The following DLG2 variants were observed in gnomAD, a reference collection of about 807,000 sequenced individuals.
DLG2 encodes the protein disks large homolog 2.
Under a neutral mutation model 132.5 loss-of-function variants are expected in DLG2, and 45 were observed. That is an observed-to-expected ratio of 0.34 (90% confidence interval 0.27 to 0.44). The LOEUF is 0.44. Ranked by LOEUF, DLG2 falls within the 20% of genes least tolerant of loss-of-function variation. The pLI, the probability that DLG2 is intolerant of heterozygous loss-of-function variation, is 1.00. For synonymous variants in DLG2, 424 were observed against 419.6 expected, an observed-to-expected ratio of 1.01 and a Z score of -0.13; for missense variants, 1,045 against 1,196.9, an observed-to-expected ratio of 0.87 and a Z score of 1.87.
Position 83,896,337 on chromosome 11 carries a change from T to C in DLG2, c.1497-21849A>G, listed in dbSNP as rs565636455. ...TAAGCAATTAGCCATGGCAGGACATTATAGGGTTTACTGCTGTCCGTAGCT... is the reference window on the plus strand; with the variant it reads ...TAAGCAATTAGCCATGGCAGGACATCATAGGGTTTACTGCTGTCCGTAGCT... On this transcript the variant is annotated intron_variant, in intron 15 of 27. Coordinates refer to ENST00000376104, the MANE Select transcript of DLG2 (RefSeq NM_001142699.3). Among the ~76,000 whole-genome samples, 136 of 152,292 alleles carry C rather than the reference T, an allele frequency of 8.9e-4. 1 individual carries two copies. The highest frequency in any genetic ancestry group is 1.6e-3 in the Non-Finnish European group (108 of 68,014).
At chr11:84,416,236 A>T (rs2098929273) in intron 7 of DLG2, among the ~76,000 whole-genome samples, 1 of 152,158 alleles carries the variant, frequency 6.6e-6, no homozygotes, top group East Asian at 1.9e-4. Context: ...TGAGTAACTT[A>T]GAGAGAGAGA....
chr11:85,256,865 ATAAT>A lies in DLG2; in HGVS notation c.186+28351_186+28354del, dbSNP rs140733072. On this transcript the variant is annotated intron_variant, in intron 4 of 27. Transcript: ENST00000376104. ...ACTATTATTTGCAACAGCTCAAGAG[ATAAT>A]TAATCAGAAAATATTGTATTCAGAA... is the stretch of plus-strand genomic sequence containing the variant. 4.9e-3 allele frequency among the ~76,000 whole-genome samples: 742 copies of A among 152,342 alleles called. 6 individuals are homozygous for A. The highest frequency in any genetic ancestry group is 0.016 in the African/African-American group (678 of 41,574).
chr11:85,185,785 C>T (rs1261128574), intron 4 of DLG2, among the ~76,000 whole-genome samples: 1 of 151,806 alleles, frequency 6.6e-6, no homozygotes, highest in Non-Finnish European at 1.5e-5. Context: ...ACATATATTA[C>T]ATATTAAGCA....
chr11:85,482,978 A>T (rs548193572), intron 3 of DLG2, among the ~76,000 whole-genome samples: 4 of 152,350 alleles, frequency 2.6e-5, no homozygotes, highest in African/African-American at 9.6e-5. Flanking sequence ...ATATACATAT[A>T]TCTCTCTGAT....
At chr11:83,662,546 A>G (rs377631676) in intron 18 of DLG2, among the ~76,000 whole-genome samples, 2 of 152,348 alleles carry the variant, frequency 1.3e-5, no homozygotes, top group East Asian at 1.9e-4. Context: ...GAATGCATCA[A>G]TACATTAACT....
At chr11:84,699,806 T>C (rs1051953093) in intron 6 of DLG2, among the ~76,000 whole-genome samples, 1 of 151,602 alleles carries the variant, frequency 6.6e-6, no homozygotes. Context: ...GAGCTTCATA[T>C]AGGATAGCTT....
At chr11:83,982,556 ATGTT>A (rs1210879426) in intron 11 of DLG2, among the ~76,000 whole-genome samples, 1 of 152,000 alleles carries the variant, frequency 6.6e-6, no homozygotes, top group East Asian at 1.9e-4. Context: ...GCTGTACAAT[ATGTT>A]TGTTTTAAGC....
At chr11:84,717,831 A>AAT (rs1179716997) in intron 6 of DLG2, among the ~76,000 whole-genome samples, 1 of 152,092 alleles carries the variant, frequency 6.6e-6, no homozygotes, top group Non-Finnish European at 1.5e-5. Flanking sequence ...TACTGCATGC[A>AAT]TCTCATTTAA....
At chr11:84,962,938 C>T (rs1463063961) in intron 6 of DLG2, among the ~76,000 whole-genome samples, 3 of 152,194 alleles carry the variant, frequency 2.0e-5, no homozygotes, top group Admixed American at 6.5e-5. Context: ...ATCAAGTTCT[C>T]ATCTTTAACA....
chr11:84,827,447 T>C (rs1206445550), intron 6 of DLG2, among the ~76,000 whole-genome samples: 3 of 151,590 alleles, frequency 2.0e-5, no homozygotes, highest in East Asian at 2.0e-4. Context: ...CTTTAGTCAA[T>C]AGGAAGCACA....
At chr11:85,324,518 A>C (rs2081302846) in intron 3 of DLG2, among the ~76,000 whole-genome samples, 2 of 152,200 alleles carry the variant, frequency 1.3e-5, no homozygotes, top group South Asian at 2.1e-4. Flanking sequence ...ATACACTGGT[A>C]TTATTAAACT....
chr11:84,979,370 C>A (rs544839229), intron 6 of DLG2, among the ~76,000 whole-genome samples: 1 of 152,078 alleles, frequency 6.6e-6, no homozygotes, highest in Non-Finnish European at 1.5e-5. Context: ...ATGTTTATTG[C>A]AGCACTATTC....
At chr11:84,244,713 A>T (rs1033709644) in intron 8 of DLG2, among the ~76,000 whole-genome samples, 10 of 152,236 alleles carry the variant, frequency 6.6e-5, no homozygotes, top group African/African-American at 2.2e-4. Context: ...AAACATTAAC[A>T]ATATAGTTTT....
intron 8 of DLG2, among the ~76,000 whole-genome samples, chr11:84,198,162 C>T (rs2096546714): frequency 6.7e-6 from 1 of 149,982 alleles, no homozygotes; most frequent in Non-Finnish European, 1.5e-5. Context: ...AAGTAAATAC[C>T]ATTACCCCCA....
chr11:84,589,988 A>G (rs538107864), intron 6 of DLG2, among the ~76,000 whole-genome samples: 2 of 152,340 alleles, frequency 1.3e-5, no homozygotes, highest in Admixed American at 6.5e-5. Flanking sequence ...TAATATTTGT[A>G]TAGAGTCAAA....
chr11:85,211,629 GC>G (rs1324100057), intron 4 of DLG2, among the ~76,000 whole-genome samples: 4 of 152,072 alleles, frequency 2.6e-5, no homozygotes, highest in African/African-American at 9.7e-5. Context: ...GTGGTTCTAT[GC>G]CCTAGGAAAA....
chr11:84,859,177 T>C (rs1320286306), intron 6 of DLG2, among the ~76,000 whole-genome samples: 1 of 151,538 alleles, frequency 6.6e-6, no homozygotes, highest in East Asian at 1.9e-4. Context: ...CTTCTACTTC[T>C]TCCCCTGAAA....
chr11:84,195,772 T>C (rs2096504250), intron 8 of DLG2, among the ~76,000 whole-genome samples: 1 of 152,242 alleles, frequency 6.6e-6, no homozygotes, highest in African/African-American at 2.4e-5. Context: ...TCTTCTGTTA[T>C]ATGCTCTTAT....
intron 6 of DLG2, among the ~76,000 whole-genome samples, chr11:85,071,721 C>A (rs1299583841): frequency 6.6e-6 from 1 of 151,698 alleles, no homozygotes; most frequent in Non-Finnish European, 1.5e-5. Context: ...ATCAGGCACT[C>A]TAGGGAAGAA....
Sources: allele counts gnomAD v4.1 joint callset (sites outside exome capture counted in the v4.1 genomes callset), GRCh38; gene constraint gnomAD v4.1.1; transcripts MANE v1.5; gene names NCBI Gene and HGNC (gene_info 2026-07-23, HGNC 2026-07-21).